The following LACTBL1 variants were observed in gnomAD, a reference collection of about 807,000 sequenced individuals.
The protein encoded by LACTBL1 is beta-lactamase-like protein 1.
In LACTBL1, 29 loss-of-function variants were observed where a neutral mutation model predicts 39.6. The ratio of observed to expected loss-of-function variants is 0.73; its 90% CI spans 0.55 to 1.00. LACTBL1 has a LOEUF of 1.00. Among genes scored for constraint, LACTBL1 ranks in the 50% least tolerant of loss-of-function variants. The probability of loss-of-function intolerance (pLI) is 0.00; values close to 1 mark genes in which losing one functional copy is unlikely to be tolerated. For synonymous variants in LACTBL1, 361 were observed against 360.7 expected (o/e 1.00, Z -0.01); for missense variants, 711 against 748.5 (o/e 0.95, Z 0.59).
upstream of LACTBL1, among the ~76,000 whole-genome samples, chr1:22,967,068 T>C (rs1640887227): frequency 6.6e-6 from 1 of 152,070 alleles, no homozygotes; most frequent in Admixed American, 6.6e-5. Context: ...ACCCTTTCTC[T>C]ACAAAAAAAT....
At chr1:22,968,776 G>A (rs1352691385), upstream of LACTBL1, among the ~76,000 whole-genome samples, 1 of 152,136 alleles carries the variant, frequency 6.6e-6, no homozygotes, top group Non-Finnish European at 1.5e-5. Context: ...CTGTAAAATG[G>A]GGACGATAAT....
exon 5 of LACTBL1, chr1:22,955,352 C>A (rs1640751028): frequency 1.3e-6 from 2 of 1,550,440 alleles, no homozygotes; most frequent in Admixed American, 3.9e-5. Context: ...AGCACATCGT[C>A]CTTGAGCAGG....
At chr1:22,971,946 G>A in the LACTBL1 span, among the ~76,000 whole-genome samples, 1 of 152,156 alleles carries the variant, frequency 6.6e-6, no homozygotes, top group Non-Finnish European at 1.5e-5. Context: ...ATACAGATGA[G>A]CTCAGCCTAG....
chr1:22,953,501 GC>G lies in LACTBL1; in HGVS notation c.1182del (p.Asp396ThrfsTer43), dbSNP rs1570496837. The G allele has an allele frequency of 2.4e-6, 3 of 1,232,546 alleles. No individual in the cohort carries two copies. The highest frequency in any genetic ancestry group is 3.1e-4 in the Middle Eastern group (1 of 3,198). 76.4% of individuals were successfully genotyped at this position (1,232,546 alleles called of 1,614,324 possible). A position where few individuals can be genotyped will look rare whatever the true frequency, so the allele number is the denominator to read the frequency against. ...TCGTAGGCCCGCGCCACCAGGTCGG[GC>G]CCGGGCGGCCGTGGCCCTGCCAGCA... On this transcript the variant is annotated frameshift_variant, in exon 6 of 6. Coordinates refer to ENST00000426928, the Ensembl canonical transcript of LACTBL1. LOFTEE classifies it high-confidence loss of function.
chr1:22,966,196 G>A (rs1015178991), upstream of LACTBL1, among the ~76,000 whole-genome samples: 8 of 152,284 alleles, frequency 5.3e-5, no homozygotes, highest in Non-Finnish European at 4.4e-5. Context: ...GCTGGCACAC[G>A]GTAACACTAC....
chr1:22,955,122 C>T (rs1335350133), intron 5 of LACTBL1, among the ~76,000 whole-genome samples, 199 bp downstream of exon 7: 1 of 152,220 alleles, frequency 6.6e-6, no homozygotes, highest in Non-Finnish European at 1.5e-5. Flanking sequence ...ACATTCCATT[C>T]AAACAGAACA....
Position 22,953,071 on chromosome 1 carries a change from C to T in LACTBL1, c.1613G>A (p.Arg538Gln), listed in dbSNP as rs75445583. The stretch of plus-strand genomic sequence containing the variant: ...CTGGGTCTTGAACACCGGCTTGCCC[C>T]GCAGCCGCAGCACTCTGTACGTGTT... The change falls in exon 6 of 6, where the codon CGG (arginine) becomes CAG (glutamine). Residue 538 changes from arginine (R) to glutamine (Q), a missense_variant. Transcript: ENST00000426928. 58 of 1,232,300 alleles carry T rather than the reference C, an allele frequency of 4.7e-5. No individual in the cohort carries two copies. In the East Asian group the frequency reaches 1.8e-3, roughly 38 times the overall value. 76.3% of individuals were successfully genotyped at this position (1,232,300 alleles called of 1,614,324 possible). A position where few individuals can be genotyped will look rare whatever the true frequency, so the allele number is the denominator to read the frequency against.
At chr1:22,955,247 G>T (rs1640749296) in intron 5 of LACTBL1, 74 bp downstream of exon 7, 1 of 1,200,014 alleles carries the variant, frequency 8.3e-7, no homozygotes. Flanking sequence ...AGGTGATGTG[G>T]GCTCTTTGCC....
chr1:22,971,516 C>G, the LACTBL1 span, among the ~76,000 whole-genome samples: 2 of 152,198 alleles, frequency 1.3e-5, no homozygotes, highest in Non-Finnish European at 2.9e-5. Flanking sequence ...ACCCCCCAAC[C>G]CCTGCTCCTT....
At chr1:22,972,523 G>T in the LACTBL1 span, 2 of 697,638 alleles carry the variant, frequency 2.9e-6, no homozygotes, top group Non-Finnish European at 3.5e-6. Flanking sequence ...TCTTCCCATG[G>T]CTCCCCCTCC....
chr1:22,971,052 T>C, the LACTBL1 span, among the ~76,000 whole-genome samples: 1 of 152,176 alleles, frequency 6.6e-6, no homozygotes, highest in Non-Finnish European at 1.5e-5. Flanking sequence ...TGAGGACCCC[T>C]TGGTGGGAAG....
chr1:22,955,815 C>G (rs1285216857), intron 4 of LACTBL1, among the ~76,000 whole-genome samples: 2 of 152,200 alleles, frequency 1.3e-5, no homozygotes, highest in Non-Finnish European at 2.9e-5. Flanking sequence ...GTAATCCCAG[C>G]ACTTTGGGAG....
upstream of LACTBL1, among the ~76,000 whole-genome samples, chr1:22,965,804 T>A (rs1640871122): frequency 6.6e-6 from 1 of 152,210 alleles, no homozygotes; most frequent in African/African-American, 2.4e-5. Flanking sequence ...TTTAGTTGAC[T>A]CACAGTTCAA....
chr1:22,960,136 C>A lies in LACTBL1; in HGVS notation c.160-37G>T, dbSNP rs1640805267. ...AGAACGGGTGCAGTGACAGGCCCCC[C>A]TGCCCTCACCCTCAGTAATCATCTG... is the stretch of plus-strand genomic sequence containing the variant. On this transcript the variant is annotated intron_variant, in intron 2 of 5. Transcript: ENST00000426928. 1.9e-6 allele frequency: 3 copies of A among 1,548,118 alleles called. No individual in the cohort carries two copies. In the East Asian group the frequency reaches 7.3e-5, roughly 38 times the overall value.
rs764720851 is a variant in LACTBL1, at chr1:22,953,836, G to A, written c.848C>T (p.Pro283Leu). The A allele has an allele frequency of 1.7e-5, 27 of 1,547,906 alleles. No homozygotes were observed. In the South Asian group the frequency reaches 2.5e-4, roughly 14 times the overall value. The change falls in exon 6 of 6, where the codon CCG (proline) becomes CTG (leucine). Residue 283 changes from proline to leucine, a missense_variant. Transcript: ENST00000426928. ...CCAGCCCAGGTCATAGAGTGGCGCC[G>A]GCCGCCCGCTGCCGTAGAAGCCCGC...
At chr1:22,967,092 G>C (rs1011374415), upstream of LACTBL1, among the ~76,000 whole-genome samples, 1 of 152,130 alleles carries the variant, frequency 6.6e-6, no homozygotes, top group African/African-American at 2.4e-5. Context: ...ACATTGGCTG[G>C]GTGAAGTGGC....
At chr1:22,963,585 G>T (rs11801115) in intron 1 of LACTBL1, among the ~76,000 whole-genome samples, 9 of 152,166 alleles carry the variant, frequency 5.9e-5, no homozygotes, top group African/African-American at 2.2e-4. Flanking sequence ...GTGTTTGGGT[G>T]GACTTCGAGC....
At chr1:22,958,061 A>G (rs1027676978) in intron 4 of LACTBL1, among the ~76,000 whole-genome samples, 69 of 152,206 alleles carry the variant, frequency 4.5e-4, no homozygotes, top group African/African-American at 1.6e-3. Flanking sequence ...TGACTTTTAT[A>G]TATTAAGGGA....
intron 2 of LACTBL1, among the ~76,000 whole-genome samples, chr1:22,960,617 C>CA (rs35006759): frequency 0.13 from 4,655 of 36,216 alleles, 432 homozygotes; most frequent in African/African-American, 0.21. Context: ...AACTCCGTCT[C>CA]AAAAAAAAAA....
Sources: allele counts gnomAD v4.1 joint callset (sites outside exome capture counted in the v4.1 genomes callset), GRCh38; gene constraint gnomAD v4.1.1; transcripts MANE v1.5; gene names NCBI Gene and HGNC (gene_info 2026-07-23, HGNC 2026-07-21).